Variants in CPED1 observed in about 807,000 individuals in gnomAD.
CPED1 encodes the protein cadherin like and PC-esterase domain containing 1, also known as cadherin-like and PC-esterase domain-containing protein 1.
A neutral mutation model predicts 128.2 loss-of-function variants in CPED1; 114 were observed. That is an observed-to-expected ratio of 0.89 (90% CI 0.76 to 1.04). CPED1 has a LOEUF of 1.04. Ranked by LOEUF, CPED1 falls within the 50% of genes least tolerant of loss-of-function variation. The pLI is 0.00. For missense variants in CPED1, 1,211 were observed against 1,207.1 expected (o/e 1.00, Z -0.05); for synonymous variants, 462 against 426.7 (o/e 1.08, Z -1.02).
chr7:121,039,814 C>T lies in CPED1; in HGVS notation c.434-7073C>T, dbSNP rs1306634536. 2.0e-5 allele frequency among the ~76,000 whole-genome samples: 3 copies of T among 152,018 alleles called. No homozygotes were observed. In the East Asian group the frequency reaches 5.8e-4, roughly 29 times the overall value. ...AAAGGATTTATTTCACAAAAGTAAA[C>T]TCATTGATTTCCTTTTACACTTTTT... On this transcript the variant is annotated intron_variant, in intron 3 of 22. Transcript: ENST00000310396.
At chr7:121,025,276 T>A (rs1017335345) in intron 3 of CPED1, among the ~76,000 whole-genome samples, 5 of 152,126 alleles carry the variant, frequency 3.3e-5, no homozygotes, top group African/African-American at 1.2e-4. Context: ...CTCTCCCCAA[T>A]TAACTGTCTA....
At chr7:121,151,444 A>C (rs900012702) in intron 16 of CPED1, among the ~76,000 whole-genome samples, 3 of 152,232 alleles carry the variant, frequency 2.0e-5, no homozygotes, top group African/African-American at 4.8e-5. Flanking sequence ...CACCATTTAT[A>C]CACATTGTTT....
Position 121,106,118 on chromosome 7 carries a change from A to C in CPED1, c.918+6024A>C, listed in dbSNP as rs371770885. Among the ~76,000 whole-genome samples the C allele has an allele frequency of 4.6e-5, 7 of 152,220 alleles. No homozygotes were observed. In the East Asian group the frequency reaches 7.7e-4, roughly 17 times the overall value. ...TCCTTATTTTAATTAAAGGTACCTC[A>C]TTAATAATAACTTATTAAAAACTGC... On this transcript the variant is annotated intron_variant, in intron 7 of 22. Coordinates refer to ENST00000310396, the MANE Select transcript of CPED1 (RefSeq NM_024913.5).
At position 121,091,156 on chromosome 7, in the gene CPED1, C is replaced by A. The variant is rs912939572; in HGVS notation, c.617-6543C>A. On this transcript the variant is annotated intron_variant, in intron 5 of 22. Coordinates refer to ENST00000310396, the MANE Select transcript of CPED1 (RefSeq NM_024913.5). ...TCTGAACAAAATACAGAGGAAGAGACTTAAATACTGCAGTAACTGAAAAAA... is the reference window on the plus strand; with the variant it reads ...TCTGAACAAAATACAGAGGAAGAGAATTAAATACTGCAGTAACTGAAAAAA... 2.1e-5 allele frequency among the ~76,000 whole-genome samples: 3 copies of A among 144,368 alleles called. No homozygotes were observed. The East Asian group carries it at 7.2e-4, about 34-fold the overall frequency. The allele number at this position is 144,368 out of a possible 152,430, so 94.7% of individuals were successfully genotyped here. A position where few individuals can be genotyped will look rare whatever the true frequency, so the allele number is the denominator to read the frequency against.
At chr7:121,235,190 C>T (rs1317367570) in intron 16 of CPED1, among the ~76,000 whole-genome samples, 1 of 152,064 alleles carries the variant, frequency 6.6e-6, no homozygotes, top group Non-Finnish European at 1.5e-5. Context: ...ATAGATATCA[C>T]ACACATACAC....
intron 2 of CPED1, among the ~76,000 whole-genome samples, chr7:120,991,172 A>G (rs1454922215): frequency 6.6e-6 from 1 of 152,236 alleles, no homozygotes; most frequent in Non-Finnish European, 1.5e-5. Flanking sequence ...AAACAAGGAA[A>G]ATTTTAAACT....
intron 16 of CPED1, among the ~76,000 whole-genome samples, chr7:121,196,476 A>C (rs147375756): frequency 8.5e-5 from 13 of 152,266 alleles, no homozygotes; most frequent in African/African-American, 3.1e-4. Flanking sequence ...TGTGTGGCAA[A>C]ATCTATTAGA....
intron 3 of CPED1, among the ~76,000 whole-genome samples, chr7:121,039,148 G>A (rs1207903762): frequency 6.6e-6 from 1 of 152,040 alleles, no homozygotes. Flanking sequence ...CTGCATGAGA[G>A]ATTTGTCTCT....
At chr7:121,167,508 T>C (rs924106220) in intron 16 of CPED1, among the ~76,000 whole-genome samples, 4 of 152,230 alleles carry the variant, frequency 2.6e-5, no homozygotes, top group Non-Finnish European at 5.9e-5. Flanking sequence ...AGCAGTCATG[T>C]TTAAGATCAT....
chr7:121,038,858 G>T (rs1467379293), intron 3 of CPED1, among the ~76,000 whole-genome samples: 4 of 151,954 alleles, frequency 2.6e-5, no homozygotes, highest in Non-Finnish European at 5.9e-5. Context: ...TAGAGTTATG[G>T]TTTGAAGGAG....
chr7:121,045,241 A>G (rs1415855594), intron 3 of CPED1, among the ~76,000 whole-genome samples: 3 of 152,176 alleles, frequency 2.0e-5, no homozygotes, highest in Admixed American at 6.5e-5. Context: ...TCCCCAAATC[A>G]ACTGCTGCAC....
At chr7:121,086,009 T>C (rs1038551482) in intron 5 of CPED1, among the ~76,000 whole-genome samples, 5 of 152,088 alleles carry the variant, frequency 3.3e-5, no homozygotes, top group African/African-American at 4.8e-5. Flanking sequence ...AGCAGGAAGG[T>C]TTACTTTGAA....
At position 121,295,811 on chromosome 7, in the gene CPED1, A is replaced by G. The variant is rs1792813607; in HGVS notation, c.*159A>G. 1 of 576,400 alleles carries G rather than the reference A, an allele frequency of 1.7e-6. No individual in the cohort carries two copies. The highest frequency in any genetic ancestry group is 3.1e-5 in the Admixed American group (1 of 31,780). The allele number at this position is 576,400 out of a possible 1,614,324, so 35.7% of individuals were successfully genotyped here. On this transcript the variant is annotated 3_prime_UTR_variant, in exon 23 of 23. Transcript: ENST00000310396. ...CACACCAGTACACACACAGTTAAATAATGATAACACTTCTTACAGCTTTAT... is the reference window on the plus strand; with the variant it reads ...CACACCAGTACACACACAGTTAAATGATGATAACACTTCTTACAGCTTTAT...
intron 3 of CPED1, among the ~76,000 whole-genome samples, chr7:121,042,993 G>A (rs1054963240): frequency 6.6e-6 from 1 of 152,198 alleles, no homozygotes; most frequent in African/African-American, 2.4e-5. Flanking sequence ...CAAATCTGAT[G>A]TCTTAGCACT....
chr7:121,290,045 G>C lies in CPED1; in HGVS notation c.2869-5395G>C, dbSNP rs144808764. ...TCGTTCAACTCCCACTTACGAGTGA[G>C]ACCATGCGGTGTTTGGTTTTCTGTT... On this transcript the variant is annotated intron_variant, in intron 22 of 22. Transcript: ENST00000310396. Among the ~76,000 whole-genome samples the C allele has an allele frequency of 1.3e-3, 200 of 152,282 alleles. 2 individuals are homozygous for C. The East Asian group carries it at 0.029, about 22-fold the overall frequency.
chr7:121,037,189 G>A lies in CPED1; in HGVS notation c.434-9698G>A, dbSNP rs550465744. 2.0e-5 allele frequency among the ~76,000 whole-genome samples: 3 copies of A among 152,130 alleles called. No homozygotes were observed. In the South Asian group the frequency reaches 6.2e-4, roughly 32 times the overall value. ...TTGTTTTGGTTGCATTTGCTTTTGG[G>A]TTTTTGGTCATGAAGTCTTTGCCTA... On this transcript the variant is annotated intron_variant, in intron 3 of 22. Transcript: ENST00000310396.
In CPED1 at chr7:121,055,230, C is replaced by T. The variant is rs185838499; in HGVS notation, c.540+8237C>T. ...TTAAGGGTGATTCATTTGGTAAATA[C>T]ATGTTTAACTTTAAGAAACTTTAAA... On this transcript the variant is annotated intron_variant, in intron 4 of 22. Transcript: ENST00000310396. Among the ~76,000 whole-genome samples the T allele has an allele frequency of 2.8e-4, 43 of 152,110 alleles. No individual in the cohort carries two copies. The East Asian group carries it at 6.9e-3, about 25-fold the overall frequency.
At chr7:121,019,408 G>T (rs1041627514) in intron 3 of CPED1, among the ~76,000 whole-genome samples, 1 of 152,024 alleles carries the variant, frequency 6.6e-6, no homozygotes, top group Non-Finnish European at 1.5e-5. Flanking sequence ...AGTCCAGTCA[G>T]TGTTTTATCT....
chr7:121,092,741 C>T (rs1326815634), intron 5 of CPED1, among the ~76,000 whole-genome samples: 1 of 152,146 alleles, frequency 6.6e-6, no homozygotes, highest in Admixed American at 6.5e-5. Flanking sequence ...GCTTATTGAG[C>T]CTCACTCAAA....
Sources: allele counts gnomAD v4.1 joint callset (sites outside exome capture counted in the v4.1 genomes callset), GRCh38; gene constraint gnomAD v4.1.1; transcripts MANE v1.5; gene names NCBI Gene and HGNC (gene_info 2026-07-23, HGNC 2026-07-21).